Variants in USH2A observed in about 807,000 individuals in gnomAD.
The protein encoded by USH2A is usherin.
A neutral mutation model predicts 538.9 loss-of-function variants in USH2A; 443 were observed. The observed-to-expected ratio is 0.82, with a 90% CI of 0.76 to 0.89. The LOEUF (loss-of-function observed/expected upper bound fraction) is 0.89, where lower values mean the gene tolerates loss of function less well. USH2A is among the 40% of genes least tolerant of loss of function. USH2A has a pLI of 0.00. For synonymous variants in USH2A, 2,413 were observed against 2,273.5 expected (o/e 1.06, Z -1.75); for missense variants, 6,633 against 6,324.8 (o/e 1.05, Z -1.65).
rs149438618 is a variant in USH2A, at chr1:216,117,829, C to T, written c.4628-20616G>A. 3.0e-3 allele frequency among the ~76,000 whole-genome samples: 413 copies of T among 137,518 alleles called. 2 individuals carry two copies. Among genetic ancestry groups the T allele is most frequent in the African/African-American group, 0.01 (397 of 39,430 alleles). 90.2% of individuals were successfully genotyped at this position (137,518 alleles called of 152,430 possible). On this transcript the variant is annotated intron_variant, in intron 21 of 71. Coordinates refer to ENST00000307340, the MANE Select transcript of USH2A (RefSeq NM_206933.4). ...ATATATATATGTATATATATATACA[C>T]AGATATATATATACACACACAGATA...
intron 35 of USH2A, among the ~76,000 whole-genome samples, chr1:215,976,479 T>C (rs969298765): frequency 1.3e-5 from 2 of 152,166 alleles, no homozygotes; most frequent in Non-Finnish European, 2.9e-5. Flanking sequence ...TTTTGAAGTA[T>C]GTTCTTTTGA....
chr1:216,262,107 G>A (rs1266767913), intron 11 of USH2A, among the ~76,000 whole-genome samples: 2 of 152,054 alleles, frequency 1.3e-5, no homozygotes, highest in African/African-American at 4.8e-5. Context: ...ATTAAAAGAA[G>A]CAATTACTTT....
chr1:216,223,510 C>G (rs1309618169), intron 14 of USH2A, among the ~76,000 whole-genome samples: 3 of 152,168 alleles, frequency 2.0e-5, no homozygotes, highest in Non-Finnish European at 4.4e-5. Flanking sequence ...GGTTAAGCCT[C>G]GTGCCTTGCT....
At chr1:216,301,954 G>C (rs1398380) in intron 9 of USH2A, among the ~76,000 whole-genome samples, 1 of 151,532 alleles carries the variant, frequency 6.6e-6, no homozygotes, top group Non-Finnish European at 1.5e-5. Context: ...GCAATTCCAT[G>C]GTAATTCAAA....
chr1:215,686,664 A>G (rs553075378), intron 61 of USH2A, among the ~76,000 whole-genome samples: 1 of 152,134 alleles, frequency 6.6e-6, no homozygotes, highest in Non-Finnish European at 1.5e-5. Flanking sequence ...GGAATAATGG[A>G]AGAACTTTTA....
At position 215,728,128 on chromosome 1, in the gene USH2A, A is replaced by G. The variant is rs1207060939; in HGVS notation, c.11968T>C (p.Ser3990Pro). Residue 3990 changes from serine to proline, a missense_variant, in exon 61 of 72, where the codon TCT (serine) becomes CCT (proline). Transcript: ENST00000307340. ...TAATGGGAGATAATGCCATTGGGAGATTCTGGCTTTGTCCAATTCAACAGA... is the reference window on the plus strand; with the variant it reads ...TAATGGGAGATAATGCCATTGGGAGGTTCTGGCTTTGTCCAATTCAACAGA... The part of the protein sequence containing the change: ...SVLLNWTKPE[S>P]PNGIISHYRV... The G allele has an allele frequency of 1.2e-6, 2 of 1,613,982 alleles. No individual in the cohort carries two copies. Among genetic ancestry groups the G allele is most frequent in the Admixed American group, 3.3e-5 (2 of 59,996 alleles).
At chr1:216,217,326 G>A in intron 15 of USH2A, 61 bp downstream of exon 15, 1 of 1,598,356 alleles carries the variant, frequency 6.3e-7, no homozygotes, top group South Asian at 1.1e-5. Flanking sequence ...AGAAAACAAT[G>A]AGATGCAGTC....
In USH2A at chr1:215,759,735, C is replaced by T. The variant is rs527236139; in HGVS notation, c.11156G>A (p.Arg3719His). The T allele has an allele frequency of 5.0e-5, 80 of 1,613,912 alleles. No homozygotes were observed. The highest frequency in any genetic ancestry group is 1.6e-4 in the Middle Eastern group (1 of 6,082). ...NGLVSQYQLS[R>H]NGNLLFLGGS... is the part of the protein sequence containing the mutation. The stretch of plus-strand genomic sequence containing the variant: ...ACCCAGGAAAAGCAAGTTTCCATTA[C>T]GACTCAATTGATATTGAGAAACGAG... The change falls in exon 57 of 72, where the codon CGT becomes CAT. Residue 3719 changes from arginine (R) to histidine (H), a missense_variant. Physicochemically the swap from Arg to His is conservative, Grantham distance 29. Transcript: ENST00000307340.
intron 3 of USH2A, among the ~76,000 whole-genome samples, chr1:216,413,631 C>T (rs2039528885): frequency 6.6e-6 from 1 of 152,034 alleles, no homozygotes; most frequent in Admixed American, 6.6e-5. Context: ...TTTACCCATG[C>T]ATTTTTTTCT....
chr1:216,271,157 C>T (rs2036566502), intron 11 of USH2A, among the ~76,000 whole-genome samples: 2 of 152,040 alleles, frequency 1.3e-5, no homozygotes, highest in African/African-American at 4.8e-5. Flanking sequence ...CTCCCTATTG[C>T]CTAACTAGTG....
intron 13 of USH2A, among the ~76,000 whole-genome samples, chr1:216,234,428 C>G (rs1462372285): frequency 6.6e-6 from 1 of 152,106 alleles, no homozygotes; most frequent in East Asian, 1.9e-4. Context: ...AGCAATTTCC[C>G]TTATATATAC....
chr1:216,115,314 A>T (rs2032980301), intron 21 of USH2A, among the ~76,000 whole-genome samples: 1 of 151,954 alleles, frequency 6.6e-6, no homozygotes. Context: ...GCTAATTTTT[A>T]AAAGACTTTT....
chr1:216,362,018 A>C (rs2038500079), intron 4 of USH2A, among the ~76,000 whole-genome samples: 1 of 152,172 alleles, frequency 6.6e-6, no homozygotes, highest in Admixed American at 6.6e-5. Flanking sequence ...GATTCTGGAA[A>C]TATTCTACGA....
chr1:215,935,132 T>A (rs533489583), intron 37 of USH2A, among the ~76,000 whole-genome samples: 1 of 152,232 alleles, frequency 6.6e-6, no homozygotes, highest in Admixed American at 6.6e-5. Flanking sequence ...GATTACTTGA[T>A]GAGTTGTTTA....
At chr1:216,346,673 C>T (rs1215794294) in intron 4 of USH2A, among the ~76,000 whole-genome samples, 1 of 151,340 alleles carries the variant, frequency 6.6e-6, no homozygotes, top group Non-Finnish European at 1.5e-5. Context: ...TTTTTGGGAT[C>T]CAGAATCTGC....
chr1:215,695,807 A>G (rs1658792166), intron 61 of USH2A, among the ~76,000 whole-genome samples: 1 of 152,164 alleles, frequency 6.6e-6, no homozygotes, highest in African/African-American at 2.4e-5. Flanking sequence ...GCTGGAGTAC[A>G]GTGGAACGAT....
At chr1:216,072,516 C>A (rs564579578) in intron 29 of USH2A, 2 of 302,788 alleles carry the variant, frequency 6.6e-6, no homozygotes, top group East Asian at 1.8e-4. Flanking sequence ...GGTGCCACTC[C>A]CAGCCAAGGA....
intron 61 of USH2A, among the ~76,000 whole-genome samples, chr1:215,715,070 G>A (rs540717474): frequency 2.6e-5 from 4 of 152,128 alleles, no homozygotes; most frequent in African/African-American, 9.7e-5. Flanking sequence ...GTGGTTTGCT[G>A]CACCTATTAA....
At chr1:215,685,756 G>A (rs1038729974) in intron 61 of USH2A, among the ~76,000 whole-genome samples, 1 of 152,104 alleles carries the variant, frequency 6.6e-6, no homozygotes, top group Non-Finnish European at 1.5e-5. Flanking sequence ...CACTTGGCAT[G>A]AGACTTCCAA....
Sources: gnomAD v4.1 joint callset for allele counts (sites outside exome capture counted in the v4.1 genomes callset) on GRCh38, gnomAD v4.1.1 for gene constraint, MANE v1.5 for transcripts, NCBI Gene and HGNC (gene_info 2026-07-23, HGNC 2026-07-21) for gene names.